Variants in GPC5 observed in about 807,000 individuals in gnomAD.
GPC5 encodes glypican-5.
Under a neutral mutation model 53.9 loss-of-function variants are expected in GPC5, and 47 were observed. The observed-to-expected ratio is 0.87, with a 90% CI of 0.69 to 1.11. GPC5 has a LOEUF of 1.11. GPC5 is among the 50% of genes most tolerant of loss of function. GPC5 has a pLI of 0.00. For missense variants in GPC5, 748 were observed against 713.1 expected (o/e 1.05, Z -0.56); for synonymous variants, 286 against 263.3 (o/e 1.09, Z -0.84).
intron 2 of GPC5, among the ~76,000 whole-genome samples, chr13:91,523,452 G>A (rs1033204315): frequency 2.0e-5 from 3 of 152,174 alleles, no homozygotes; most frequent in African/African-American, 7.2e-5. Flanking sequence ...TGGAAGACAT[G>A]TTAAATAAAA....
chr13:91,727,669 A>G (rs1250062771), intron 3 of GPC5, among the ~76,000 whole-genome samples: 2 of 152,190 alleles, frequency 1.3e-5, no homozygotes, highest in Non-Finnish European at 2.9e-5. Flanking sequence ...CATTGTGCAC[A>G]TTAGGAAATC....
intron 2 of GPC5, among the ~76,000 whole-genome samples, chr13:91,603,100 TAC>T (rs941309034): frequency 6.6e-6 from 1 of 152,224 alleles, no homozygotes; most frequent in African/African-American, 2.4e-5. Flanking sequence ...GAGACTTTAT[TAC>T]AATGTGAATA....
At chr13:92,524,789 A>G (rs1164314696) in intron 7 of GPC5, among the ~76,000 whole-genome samples, 2 of 152,130 alleles carry the variant, frequency 1.3e-5, no homozygotes, top group East Asian at 1.9e-4. Flanking sequence ...TTTTAGGTAG[A>G]CATCATTAAC....
In GPC5 at chr13:91,460,185, C is replaced by G. The variant is rs186547203; in HGVS notation, c.325+11263C>G. Among the ~76,000 whole-genome samples the G allele has an allele frequency of 2.0e-5, 3 of 152,172 alleles. No homozygotes were observed. In the East Asian group the frequency reaches 5.8e-4, roughly 29 times the overall value. ...GACTCTTGGGACTCAATTTTGAAGT[C>G]TTAGTGGTAATTCTCATAATAGGAA... On this transcript the variant is annotated intron_variant, in intron 2 of 7. Coordinates refer to ENST00000377067, the MANE Select transcript of GPC5 (RefSeq NM_004466.6).
chr13:91,722,417 A>G (rs1384866149), intron 3 of GPC5, among the ~76,000 whole-genome samples: 1 of 152,234 alleles, frequency 6.6e-6, no homozygotes, highest in Non-Finnish European at 1.5e-5. Flanking sequence ...AAGAGCCTGA[A>G]CTAAATGCTT....
chr13:92,001,797 A>G (rs2040557717), intron 6 of GPC5, among the ~76,000 whole-genome samples: 1 of 152,216 alleles, frequency 6.6e-6, no homozygotes, highest in Non-Finnish European at 1.5e-5. Context: ...AATAAAGAGC[A>G]CTTGAGAGAA....
intron 4 of GPC5, among the ~76,000 whole-genome samples, chr13:91,731,569 G>A (rs1481139823): frequency 6.6e-6 from 1 of 151,850 alleles, no homozygotes; most frequent in Non-Finnish European, 1.5e-5. Flanking sequence ...AGAAGGTGTA[G>A]GTTTGTTAAA....
chr13:91,833,200 G>C, intron 5 of GPC5, among the ~76,000 whole-genome samples: 1 of 152,118 alleles, frequency 6.6e-6, no homozygotes, highest in East Asian at 1.9e-4. Context: ...CCAGGAAGAA[G>C]TCAAATCCCT....
At chr13:91,797,286 C>A (rs1261266987) in intron 5 of GPC5, among the ~76,000 whole-genome samples, 1 of 152,010 alleles carries the variant, frequency 6.6e-6, no homozygotes, top group Non-Finnish European at 1.5e-5. Context: ...AATGTTGTGG[C>A]AAATACCGTG....
intron 1 of GPC5, among the ~76,000 whole-genome samples, chr13:91,399,510 T>C (rs1035994716): frequency 6.6e-6 from 1 of 152,094 alleles, no homozygotes; most frequent in Non-Finnish European, 1.5e-5. Flanking sequence ...CATCAGGGCG[T>C]GGGGGACACG....
rs71123435 is a variant in GPC5 at position 92,751,303 on chromosome 13, TAAAAAAAAAAAA to T, written c.1562-114958_1562-114947del. Among the ~76,000 whole-genome samples the T allele has an allele frequency of 7.5e-3, 290 of 38,800 alleles. 3 individuals carry two copies. The highest frequency in any genetic ancestry group is 0.01 in the Non-Finnish European group (191 of 18,966). The allele number at this position is 38,800 out of a possible 152,430, so 25.5% of individuals were successfully genotyped here. ...AAACCTTTGGTCATCCAGAAACATT[TAAAAAAAAAAAA>T]AAAAAAAAAAAAAAAAAAAACCTTC... On this transcript the variant is annotated intron_variant, in intron 7 of 7. Transcript: ENST00000377067.
At chr13:91,999,783 GA>G (rs2040538216) in intron 6 of GPC5, among the ~76,000 whole-genome samples, 1 of 151,974 alleles carries the variant, frequency 6.6e-6, no homozygotes, top group African/African-American at 2.4e-5. Flanking sequence ...GAAAATCCTA[GA>G]ACCAAAAAAT....
chr13:91,856,558 T>G (rs1162955646), intron 5 of GPC5, among the ~76,000 whole-genome samples: 1 of 151,554 alleles, frequency 6.6e-6, no homozygotes, highest in Non-Finnish European at 1.5e-5. Context: ...AAATTAAAGA[T>G]GTTAGGTGTA....
At chr13:91,504,011 TC>T (rs1884805173) in intron 2 of GPC5, among the ~76,000 whole-genome samples, 1 of 151,842 alleles carries the variant, frequency 6.6e-6, no homozygotes, top group African/African-American at 2.4e-5. Context: ...TTTCAAGATC[TC>T]CAGAACAATT....
At chr13:92,678,094 C>T (rs765389164) in intron 7 of GPC5, among the ~76,000 whole-genome samples, 2 of 151,976 alleles carry the variant, frequency 1.3e-5, no homozygotes, top group African/African-American at 4.8e-5. Context: ...AATTCTTGAC[C>T]GTAATTTTAC....
chr13:91,664,276 T>C (rs2035053838), intron 2 of GPC5, among the ~76,000 whole-genome samples: 1 of 152,234 alleles, frequency 6.6e-6, no homozygotes, highest in Non-Finnish European at 1.5e-5. Flanking sequence ...CCTGATTACA[T>C]GCTGATTGCT....
chr13:92,826,766 G>A (rs759964961), intron 7 of GPC5, among the ~76,000 whole-genome samples: 2 of 151,962 alleles, frequency 1.3e-5, no homozygotes, highest in Non-Finnish European at 2.9e-5. Context: ...TTAATATATT[G>A]TATTTCACTT....
chr13:92,534,468 C>A (rs1055548672), intron 7 of GPC5, among the ~76,000 whole-genome samples: 1 of 152,168 alleles, frequency 6.6e-6, no homozygotes, highest in Non-Finnish European at 1.5e-5. Context: ...TGCCTCATAA[C>A]AGTAACTTCC....
At chr13:91,415,448 A>G (rs1385581469) in intron 1 of GPC5, among the ~76,000 whole-genome samples, 1 of 152,034 alleles carries the variant, frequency 6.6e-6, no homozygotes, top group African/African-American at 2.4e-5. Flanking sequence ...ACAACTCCCA[A>G]CAACTTTCCC....
Sources: gnomAD v4.1 joint callset for allele counts (sites outside exome capture counted in the v4.1 genomes callset) on GRCh38, gnomAD v4.1.1 for gene constraint, MANE v1.5 for transcripts, NCBI Gene and HGNC (gene_info 2026-07-23, HGNC 2026-07-21) for gene names.